NRG4: variants seen among roughly 807,000 people sequenced by gnomAD.
The protein encoded by NRG4 is pro-neuregulin-4, membrane-bound isoform.
NRG4 carries 10 observed loss-of-function variants against 15.0 expected under a neutral mutation model. The ratio of observed to expected loss-of-function variants is 0.67; its 90% CI spans 0.41 to 1.13. The LOEUF (loss-of-function observed/expected upper bound fraction) is 1.13, where lower values mean the gene tolerates loss of function less well. NRG4 is among the 50% of genes most tolerant of loss of function. The pLI is 0.00. For missense variants in NRG4, 139 were observed against 140.2 expected (o/e 0.99, Z 0.04); for synonymous variants, 41 against 50.1 (o/e 0.82, Z 0.77).
chr15:75,957,577 G>A (rs983147713), intron 4 of NRG4, among the ~76,000 whole-genome samples: 25 of 152,030 alleles, frequency 1.6e-4, no homozygotes, highest in African/African-American at 5.6e-4. Flanking sequence ...GCACCCATAT[G>A]TAAATTTATT....
chr15:75,951,112 T>A (rs996636464), intron 5 of NRG4: 1 of 152,914 alleles, frequency 6.5e-6, no homozygotes, highest in African/African-American at 2.4e-5. Flanking sequence ...CAGCCTCAGA[T>A]ATCACAGTAA....
intron 3 of NRG4, among the ~76,000 whole-genome samples, chr15:75,999,037 T>G (rs567112884): frequency 1.3e-5 from 2 of 152,318 alleles, no homozygotes; most frequent in African/African-American, 4.8e-5. Flanking sequence ...GCTGTGGGCA[T>G]AAGAATAAAT....
At chr15:75,967,495 T>G (rs2032863914) in intron 3 of NRG4, among the ~76,000 whole-genome samples, 1 of 142,574 alleles carries the variant, frequency 7.0e-6, no homozygotes, top group African/African-American at 2.6e-5. Flanking sequence ...GAGTCTTGCT[T>G]TTGTTGCTCA....
At chr15:76,025,458 T>A (rs116964141) in intron 5 of NRG4, among the ~76,000 whole-genome samples, 1 of 151,398 alleles carries the variant, frequency 6.6e-6, no homozygotes, top group Non-Finnish European at 1.5e-5. Context: ...AGAATATAGA[T>A]AGACAACACA....
chr15:76,008,211 A>G (rs899609345), intron 3 of NRG4, among the ~76,000 whole-genome samples: 2 of 152,176 alleles, frequency 1.3e-5, no homozygotes, highest in African/African-American at 2.4e-5. Flanking sequence ...GTAATTGTTA[A>G]TTTGTTCCTC....
At chr15:76,007,421 A>G (rs2034643672) in intron 3 of NRG4, among the ~76,000 whole-genome samples, 1 of 151,638 alleles carries the variant, frequency 6.6e-6, no homozygotes, top group South Asian at 2.1e-4. Flanking sequence ...TAAATTATTA[A>G]ACGCACTTTT....
At chr15:75,956,147 CTT>C (rs2032227387) in intron 4 of NRG4, 136 bp from the exon 5 acceptor site, 2 of 593,298 alleles carry the variant, frequency 3.4e-6, no homozygotes, top group Admixed American at 3.0e-5. Flanking sequence ...AAAGTATAAA[CTT>C]GACTATTTGA....
Position 75,983,845 on chromosome 15 carries a change from T to C in NRG4, c.105-21871A>G, listed in dbSNP as rs182514967. On this transcript the variant is annotated intron_variant, in intron 3 of 5. Coordinates refer to ENST00000394907, the MANE Select transcript of NRG4 (RefSeq NM_138573.4). ...ATTCTAGGCTAAATAGATTCAACTT[T>C]ATAAACATATAAATTCTAAATTAAT... Among the ~76,000 whole-genome samples, 27 of 152,276 alleles carry C rather than the reference T, an allele frequency of 1.8e-4. No individual in the cohort carries two copies. The East Asian group carries it at 4.2e-3, about 24-fold the overall frequency.
chr15:76,004,645 A>C (rs558125417), intron 3 of NRG4, among the ~76,000 whole-genome samples: 34 of 152,084 alleles, frequency 2.2e-4, no homozygotes, highest in Non-Finnish European at 4.6e-4. Context: ...TAAATCAATT[A>C]AACACAAAAG....
chr15:76,051,387 C>G (rs1043418677), intron 4 of NRG4, among the ~76,000 whole-genome samples: 1 of 150,500 alleles, frequency 6.6e-6, no homozygotes, highest in Non-Finnish European at 1.5e-5. Flanking sequence ...GCGATCCTCT[C>G]GCCTCAGCTT....
At chr15:75,966,656 G>T (rs780904124) in intron 3 of NRG4, among the ~76,000 whole-genome samples, 8 of 152,106 alleles carry the variant, frequency 5.3e-5, no homozygotes, top group Non-Finnish European at 1.0e-4. Context: ...CACTTGGGCT[G>T]GTCTATCCTG....
chr15:75,963,669 T>C (rs2141818758), intron 3 of NRG4, among the ~76,000 whole-genome samples: 1 of 151,668 alleles, frequency 6.6e-6, no homozygotes, highest in Non-Finnish European at 1.5e-5. Context: ...TCACAGCTAC[T>C]CAGGAGGCTG....
At chr15:76,009,003 C>T (rs2034709968) in intron 3 of NRG4, among the ~76,000 whole-genome samples, 197 bp downstream of exon 3, 2 of 152,044 alleles carry the variant, frequency 1.3e-5, no homozygotes, top group Admixed American at 6.6e-5. Context: ...GAATAAACAC[C>T]TTGATTAGTG....
At chr15:75,969,609 A>G (rs1211486173) in intron 3 of NRG4, among the ~76,000 whole-genome samples, 1 of 152,220 alleles carries the variant, frequency 6.6e-6, no homozygotes, top group Non-Finnish European at 1.5e-5. Flanking sequence ...GAGAGCAGGT[A>G]CGTTCCCATA....
At chr15:76,038,785 GTT>G (rs142138210) in intron 4 of NRG4, among the ~76,000 whole-genome samples, 1,696 of 152,234 alleles carry the variant, frequency 0.011, 42 homozygotes, top group African/African-American at 0.038. Flanking sequence ...CCAGGTACTG[GTT>G]ACAGCAGGCC....
intron 5 of NRG4, among the ~76,000 whole-genome samples, chr15:75,947,037 A>T (rs571527859): frequency 6.6e-6 from 1 of 152,254 alleles, no homozygotes; most frequent in African/African-American, 2.4e-5. Flanking sequence ...GGAAGTAACC[A>T]TGTTCTTGGT....
intron 3 of NRG4, among the ~76,000 whole-genome samples, chr15:76,004,853 A>C (rs2034541854): frequency 6.6e-6 from 1 of 152,104 alleles, no homozygotes. Flanking sequence ...AAAGGCACAA[A>C]TACAGTTGAC....
intron 3 of NRG4, among the ~76,000 whole-genome samples, chr15:76,002,664 C>T (rs961586980): frequency 4.6e-5 from 7 of 151,952 alleles, no homozygotes; most frequent in Non-Finnish European, 8.8e-5. Context: ...TGTAAAACAC[C>T]AACAAATAGA....
At chr15:76,042,009 A>G (rs2035755109) in intron 4 of NRG4, among the ~76,000 whole-genome samples, 1 of 152,206 alleles carries the variant, frequency 6.6e-6, no homozygotes, top group African/African-American at 2.4e-5. Context: ...ATAAAACTAG[A>G]AATCAATAAT....
Sources: gnomAD v4.1 joint callset for allele counts (sites outside exome capture counted in the v4.1 genomes callset) on GRCh38, gnomAD v4.1.1 for gene constraint, MANE v1.5 for transcripts, NCBI Gene and HGNC (gene_info 2026-07-23, HGNC 2026-07-21) for gene names.